The following DOCK2 variants were observed in gnomAD, a reference collection of about 807,000 sequenced individuals.
DOCK2 encodes dedicator of cytokinesis protein 2.
DOCK2 carries 87 observed loss-of-function variants against 248.9 expected under a neutral mutation model. The ratio of observed to expected loss-of-function variants is 0.35; its 90% CI spans 0.29 to 0.42. DOCK2 has a LOEUF of 0.42. Among genes scored for constraint, DOCK2 ranks in the 10% least tolerant of loss-of-function variants. The pLI, the probability that DOCK2 is intolerant of heterozygous loss-of-function variation, is 1.00. For missense variants in DOCK2, 1,747 were observed against 2,300.2 expected (o/e 0.76, Z 4.92); for synonymous variants, 805 against 821.6 (o/e 0.98, Z 0.35).
chr5:169,930,452 G>C (rs888316872), intron 27 of DOCK2, among the ~76,000 whole-genome samples: 1 of 152,120 alleles, frequency 6.6e-6, no homozygotes, highest in African/African-American at 2.4e-5. Flanking sequence ...GACATTTCTT[G>C]GACAATTTCC....
At chr5:169,982,948 C>G in intron 27 of DOCK2, 120 bp from the exon 28 acceptor site, 5 of 923,172 alleles carry the variant, frequency 5.4e-6, no homozygotes, top group South Asian at 1.5e-5. Context: ...GTCCCAGGCA[C>G]ATAATAGTAC....
chr5:169,788,871 A>G (rs944337708), intron 25 of DOCK2, among the ~76,000 whole-genome samples: 2 of 152,138 alleles, frequency 1.3e-5, no homozygotes, highest in South Asian at 2.1e-4. Context: ...TCAGGGGTCC[A>G]TGTGCGGGTT....
chr5:169,886,832 C>T (rs567421696), intron 27 of DOCK2, among the ~76,000 whole-genome samples: 4 of 152,276 alleles, frequency 2.6e-5, no homozygotes, highest in East Asian at 1.9e-4. Flanking sequence ...ATTCTGGGAA[C>T]GATAACTCAC....
At chr5:169,680,301 A>T (rs1759587470) in intron 6 of DOCK2, among the ~76,000 whole-genome samples, 1 of 152,200 alleles carries the variant, frequency 6.6e-6, no homozygotes, top group African/African-American at 2.4e-5. Context: ...TATGTAAAAC[A>T]CTTATTGTAT....
intron 26 of DOCK2, among the ~76,000 whole-genome samples, chr5:169,828,318 A>G (rs1769005606): frequency 6.6e-6 from 1 of 152,200 alleles, no homozygotes; most frequent in Admixed American, 6.5e-5. Flanking sequence ...AGTTTCTGGT[A>G]GAATTAATCC....
At chr5:169,816,559 G>A (rs1286613903) in intron 26 of DOCK2, among the ~76,000 whole-genome samples, 1 of 152,116 alleles carries the variant, frequency 6.6e-6, no homozygotes, top group African/African-American at 2.4e-5. Flanking sequence ...TTTTCTGCCT[G>A]CAGTTTACAT....
intron 22 of DOCK2, among the ~76,000 whole-genome samples, chr5:169,747,175 G>T (rs541946733): frequency 3.9e-5 from 6 of 152,322 alleles, no homozygotes; most frequent in African/African-American, 1.4e-4. Context: ...GGCAGAAGGT[G>T]TATGCCCTGT....
intron 9 of DOCK2, among the ~76,000 whole-genome samples, chr5:169,690,328 G>A (rs4867878): frequency 0.022 from 3,420 of 152,228 alleles, 69 homozygotes; most frequent in East Asian, 0.083. Context: ...CAGAGAAGGA[G>A]CCAGGGAGGG....
At chr5:169,903,944 A>T (rs1397806378) in intron 27 of DOCK2, among the ~76,000 whole-genome samples, 2 of 151,996 alleles carry the variant, frequency 1.3e-5, no homozygotes, top group African/African-American at 2.4e-5. Flanking sequence ...TACAAAAAAT[A>T]CAAAAATTAG....
At chr5:169,775,165 C>T (rs1033874839) in intron 25 of DOCK2, among the ~76,000 whole-genome samples, 21 of 152,212 alleles carry the variant, frequency 1.4e-4, no homozygotes. Context: ...CCACCTCGGC[C>T]TCCCAAAGTG....
intron 33 of DOCK2, among the ~76,000 whole-genome samples, chr5:170,024,923 T>C (rs10044477): frequency 0.59 from 89,820 of 152,046 alleles, 28,730 homozygotes; most frequent in African/African-American, 0.85. Flanking sequence ...TCTTTTGTGA[T>C]CCTGAGACAA....
At chr5:169,645,139 A>G (rs572268296) in intron 1 of DOCK2, among the ~76,000 whole-genome samples, 2 of 152,344 alleles carry the variant, frequency 1.3e-5, no homozygotes, top group South Asian at 2.1e-4. Context: ...AATGATTTCT[A>G]TTCCTTTGGG....
At chr5:169,773,743 A>G (rs1765224005) in intron 25 of DOCK2, among the ~76,000 whole-genome samples, 2 of 152,132 alleles carry the variant, frequency 1.3e-5, no homozygotes, top group South Asian at 4.1e-4. Context: ...CCCAAATCTC[A>G]TCTTGAATTG....
intron 30 of DOCK2, among the ~76,000 whole-genome samples, chr5:170,001,853 G>A (rs1299769258): frequency 6.6e-6 from 1 of 152,198 alleles, no homozygotes; most frequent in Non-Finnish European, 1.5e-5. Context: ...TAATATGGGT[G>A]AATAATGGGT....
intron 27 of DOCK2, among the ~76,000 whole-genome samples, chr5:169,844,554 G>A (rs1054928841): frequency 6.6e-6 from 1 of 152,190 alleles, no homozygotes; most frequent in Non-Finnish European, 1.5e-5. Context: ...ATCACACTAC[G>A]TGGCTGTACC....
intron 44 of DOCK2, among the ~76,000 whole-genome samples, chr5:170,057,931 T>C (rs532361804): frequency 3.9e-5 from 6 of 152,152 alleles, no homozygotes; most frequent in Non-Finnish European, 7.4e-5. Context: ...GGAGCTTCTG[T>C]TGGGTGGGTG....
intron 27 of DOCK2, among the ~76,000 whole-genome samples, chr5:169,901,156 A>T (rs1482881093): frequency 2.0e-5 from 3 of 152,020 alleles, no homozygotes; most frequent in Non-Finnish European, 4.4e-5. Context: ...TTGAGGAGGG[A>T]TGGTGGGTGT....
intron 44 of DOCK2, among the ~76,000 whole-genome samples, chr5:170,062,589 G>T (rs2113863508): frequency 6.6e-6 from 1 of 152,158 alleles, no homozygotes. Flanking sequence ...TAATTCTAAG[G>T]TTCCCCAGGA....
intron 22 of DOCK2, among the ~76,000 whole-genome samples, chr5:169,745,134 G>C (rs1166357708): frequency 6.6e-6 from 1 of 152,176 alleles, no homozygotes; most frequent in Non-Finnish European, 1.5e-5. Flanking sequence ...AGTCCATTAG[G>C]GATTGCTGGT....
Sources: gnomAD v4.1 joint callset for allele counts (sites outside exome capture counted in the v4.1 genomes callset) on GRCh38, gnomAD v4.1.1 for gene constraint, MANE v1.5 for transcripts, NCBI Gene and HGNC (gene_info 2026-07-23, HGNC 2026-07-21) for gene names.